PCDHGA8: variants seen among roughly 807,000 people sequenced by gnomAD.
PCDHGA8 encodes protocadherin gamma-A8.
PCDHGA8 carries 45 observed loss-of-function variants against 59.2 expected under a neutral mutation model. The observed-to-expected ratio is 0.76, with a 90% CI of 0.60 to 0.98. The LOEUF (loss-of-function observed/expected upper bound fraction) is 0.98, where lower values mean the gene tolerates loss of function less well. PCDHGA8 is among the 50% of genes least tolerant of loss of function. The probability of loss-of-function intolerance (pLI) is 0.00; values close to 1 mark genes in which losing one functional copy is unlikely to be tolerated. For missense variants in PCDHGA8, 1,257 were observed against 1,196.2 expected (o/e 1.05, Z -0.75); for synonymous variants, 531 against 519.0 (o/e 1.02, Z -0.32).
intron 1 of PCDHGA8, chr5:141,416,068 A>G (rs940843403): frequency 1.2e-5 from 2 of 173,694 alleles, no homozygotes; most frequent in Non-Finnish European, 2.4e-5. Context: ...AGAATACTCA[A>G]TGCAGTTCTT....
At position 141,477,742 on chromosome 5, in the gene PCDHGA8, G is replaced by C; in HGVS notation, c.2425-17065G>C. 2 of 1,613,800 alleles carry C rather than the reference G, an allele frequency of 1.2e-6. No individual in the cohort carries two copies. Among genetic ancestry groups the C allele is most frequent in the Non-Finnish European group, 1.7e-6 (2 of 1,180,030 alleles). ...AATTAACAGCTCATATCAGCGATGG[G>C]GGCACCCCGGTCCTAGCCACCAACA... On this transcript the variant is annotated intron_variant, in intron 1 of 3. Coordinates refer to ENST00000398604, the MANE Select transcript of PCDHGA8 (RefSeq NM_032088.2). The surrounding 1 kb of genome is among the most constrained non-coding windows in gnomAD (Gnocchi z 4.9).
chr5:141,409,988 G>A (rs373071156), intron 1 of PCDHGA8: 43 of 1,613,160 alleles, frequency 2.7e-5, no homozygotes, highest in African/African-American at 5.3e-5. Context: ...AGCGGTGGAC[G>A]CCGACTCGGG....
chr5:141,438,760 C>T (rs1346379482), intron 1 of PCDHGA8, among the ~76,000 whole-genome samples: 4 of 148,802 alleles, frequency 2.7e-5, no homozygotes, highest in South Asian at 2.1e-4. Context: ...CTCCTGGGTT[C>T]AAGCGATTCT....
intron 1 of PCDHGA8, among the ~76,000 whole-genome samples, chr5:141,466,965 C>G (rs1345790988): frequency 6.6e-6 from 1 of 152,016 alleles, no homozygotes; most frequent in African/African-American, 2.4e-5. Context: ...CAAATATTTT[C>G]TCACAGCTCA....
rs1161697588 is a variant in PCDHGA8, at chr5:141,491,464, T to C, written c.2425-3343T>C. 7 of 1,613,982 alleles carry C rather than the reference T, an allele frequency of 4.3e-6. No homozygotes were observed. In the African/African-American group the frequency reaches 9.3e-5, roughly 22 times the overall value. On this transcript the variant is annotated intron_variant, in intron 1 of 3. Transcript: ENST00000398604. This position sits in a 1 kb window ranked among gnomAD's most constrained non-coding sequence, Gnocchi z 6.9. ...CCAGGACTCACCCTCCCCGGACTTCTATAAGCAGTCCAGCCCCAACCTGCA... is the reference window on the plus strand; with the variant it reads ...CCAGGACTCACCCTCCCCGGACTTCCATAAGCAGTCCAGCCCCAACCTGCA...
rs781591902 is a variant in PCDHGA8, at chr5:141,477,086, G to A, written c.2425-17721G>A. The A allele has an allele frequency of 1.1e-5, 18 of 1,614,128 alleles. No individual in the cohort carries two copies. In the East Asian group the frequency reaches 3.8e-4, roughly 34 times the overall value. The stretch of plus-strand genomic sequence containing the variant: ...CAAACTCCATGAGATTTACATCCAG[G>A]CCAAAGACAAGGGCGCCAATCCCGA... On this transcript the variant is annotated intron_variant, in intron 1 of 3. Coordinates refer to ENST00000398604, the MANE Select transcript of PCDHGA8 (RefSeq NM_032088.2). The surrounding 1 kb of genome is among the most constrained non-coding windows in gnomAD (Gnocchi z 4.9).
At chr5:141,473,919 A>G (rs2099331297) in intron 1 of PCDHGA8, among the ~76,000 whole-genome samples, 1 of 152,172 alleles carries the variant, frequency 6.6e-6, no homozygotes, top group African/African-American at 2.4e-5. Flanking sequence ...TAAGAAAACT[A>G]TGAGCTGGGT....
At chr5:141,457,522 G>A (rs1200640017) in intron 1 of PCDHGA8, among the ~76,000 whole-genome samples, 1 of 152,188 alleles carries the variant, frequency 6.6e-6, no homozygotes, top group Non-Finnish European at 1.5e-5. Flanking sequence ...AACAATTAAT[G>A]AGACTAGGGT....
chr5:141,506,688 T>G (rs114532236), intron 3 of PCDHGA8, among the ~76,000 whole-genome samples: 2,113 of 152,334 alleles, frequency 0.014, 37 homozygotes, highest in African/African-American at 0.048. Flanking sequence ...TTATCTTTGC[T>G]GACCCAAACC....
At chr5:141,403,784 G>T in intron 1 of PCDHGA8, 1 of 1,613,906 alleles carries the variant, frequency 6.2e-7, no homozygotes, top group Non-Finnish European at 8.5e-7. Context: ...CGGAAAAGTG[G>T]CATACAAATT....
chr5:141,490,874 A>C lies in PCDHGA8; in HGVS notation c.2425-3933A>C. 1 of 1,613,948 alleles carries C rather than the reference A, an allele frequency of 6.2e-7. No homozygotes were observed. The highest frequency in any genetic ancestry group is 1.3e-5 in the African/African-American group (1 of 75,054). The stretch of plus-strand genomic sequence containing the variant: ...CGAGACTCCGGCTCTCCCCCATTGC[A>C]TGCCAACACATCTCTGCATGTGTTT... On this transcript the variant is annotated intron_variant, in intron 1 of 3. Coordinates refer to ENST00000398604, the MANE Select transcript of PCDHGA8 (RefSeq NM_032088.2). The surrounding 1 kb of genome is among the most constrained non-coding windows in gnomAD (Gnocchi z 5.4).
intron 1 of PCDHGA8, chr5:141,418,283 ATCAG>A: frequency 1.9e-6 from 3 of 1,613,996 alleles, no homozygotes; most frequent in Non-Finnish European, 2.5e-6. Context: ...AAACTTAGAA[ATCAG>A]TGAATCCGTC....
rs115001531 is a variant in PCDHGA8, at chr5:141,495,385, G to A, written c.2483+520G>A. Among the ~76,000 whole-genome samples the A allele has an allele frequency of 2.2e-3, 339 of 152,328 alleles. 1 individual carries two copies. Among genetic ancestry groups the A allele is most frequent in the African/African-American group, 7.9e-3 (329 of 41,590 alleles). ...AGGTGGAACTGAGGAAGGACTGGGC[G>A]GGGCATGGAGCAGGCCCCCTTCTCC... On this transcript the variant is annotated intron_variant, in intron 2 of 3. Transcript: ENST00000398604.
chr5:141,509,810 G>T (rs1272295976), intron 3 of PCDHGA8, among the ~76,000 whole-genome samples: 1 of 152,154 alleles, frequency 6.6e-6, no homozygotes, highest in East Asian at 1.9e-4. Flanking sequence ...ATAGAGCCGA[G>T]CTCTTCTCCA....
At position 141,487,194 on chromosome 5, in the gene PCDHGA8, C is replaced by T. The variant is rs148502966; in HGVS notation, c.2425-7613C>T. 2 of 1,613,868 alleles carry T rather than the reference C, an allele frequency of 1.2e-6. No homozygotes were observed. The highest frequency in any genetic ancestry group is 1.3e-5 in the African/African-American group (1 of 75,030). On this transcript the variant is annotated intron_variant, in intron 1 of 3. Coordinates refer to ENST00000398604, the MANE Select transcript of PCDHGA8 (RefSeq NM_032088.2). The surrounding 1 kb of genome is among the most constrained non-coding windows in gnomAD (Gnocchi z 5.0). ...GAGGAAGACACTCATCCAGTTGTCC[C>T]AGATCTTCGAGAATCTTCAGCTCCA... is the stretch of plus-strand genomic sequence containing the variant.
intron 1 of PCDHGA8, chr5:141,400,068 GC>G (rs1160956861): frequency 6.2e-7 from 1 of 1,613,706 alleles, no homozygotes; most frequent in African/African-American, 1.3e-5. Context: ...ATGGTGGACA[GC>G]CGCCACTCTC....
In PCDHGA8 at chr5:141,491,707, G is replaced by A. The variant is rs1337506934; in HGVS notation, c.2425-3100G>A. ...GCTGCGGGAGCGGAGCCAGGTGAGG[G>A]GCTCGGCGCCGCCCCGGGCGACCCC... On this transcript the variant is annotated intron_variant, in intron 1 of 3. Transcript: ENST00000398604. The surrounding 1 kb of genome is among the most constrained non-coding windows in gnomAD (Gnocchi z 6.9). The A allele has an allele frequency of 6.2e-6, 10 of 1,610,604 alleles. No homozygotes were observed. Among genetic ancestry groups the A allele is most frequent in the Admixed American group, 1.7e-5 (1 of 59,554 alleles).
chr5:141,483,648 TTGTG>T (rs111458813), intron 1 of PCDHGA8, among the ~76,000 whole-genome samples: 10 of 149,592 alleles, frequency 6.7e-5, no homozygotes, highest in Non-Finnish European at 1.0e-4. Flanking sequence ...GGGTGTGTGT[TTGTG>T]TGTGTGTGTG....
At position 141,486,637 on chromosome 5, in the gene PCDHGA8, G is replaced by C. The variant is rs761072169; in HGVS notation, c.2425-8170G>C. 28 of 1,613,638 alleles carry C rather than the reference G, an allele frequency of 1.7e-5. No homozygotes were observed. The highest frequency in any genetic ancestry group is 1.1e-5 in the Non-Finnish European group (13 of 1,180,034). ...CTGACCCAGACTCTGGCTTGAATGC[G>C]CTTATCTCCTACTCACTCCTGGAGC... On this transcript the variant is annotated intron_variant, in intron 1 of 3. Transcript: ENST00000398604. This position sits in a 1 kb window ranked among gnomAD's most constrained non-coding sequence, Gnocchi z 5.0.
Sources: gnomAD v4.1 joint callset for allele counts (sites outside exome capture counted in the v4.1 genomes callset) on GRCh38, gnomAD v4.1.1 for gene constraint, Gnocchi (gnomAD v3.1) non-coding constraint, MANE v1.5 for transcripts, NCBI Gene and HGNC (gene_info 2026-07-23, HGNC 2026-07-21) for gene names.